Variants in NIN observed in about 807,000 individuals in gnomAD.
NIN encodes the protein glycogen synthase kinase 3 beta-interacting protein.
Under a neutral mutation model 257.6 loss-of-function variants are expected in NIN, and 137 were observed. The observed-to-expected ratio is 0.53, with a 90% confidence interval of 0.46 to 0.61. The LOEUF (loss-of-function observed/expected upper bound fraction) is 0.61, where lower values mean the gene tolerates loss of function less well. Ranked by LOEUF, NIN falls within the 20% of genes least tolerant of loss-of-function variation. The pLI, the probability that NIN is intolerant of heterozygous loss-of-function variation, is 0.00. For synonymous variants in NIN, 918 were observed against 919.8 expected, an observed-to-expected ratio of 1.00 and a Z score of 0.04; for missense variants, 2,439 against 2,501.2, an observed-to-expected ratio of 0.98 and a Z score of 0.53.
intron 5 of NIN, among the ~76,000 whole-genome samples, chr14:50,788,120 A>G (rs1264416757): frequency 1.3e-5 from 2 of 152,234 alleles, no homozygotes; most frequent in African/African-American, 2.4e-5. Flanking sequence ...GGGCTTTAAC[A>G]TGTACGAACT....
chr14:50,827,398 A>G (rs557857100), intron 2 of NIN, among the ~76,000 whole-genome samples: 2 of 152,332 alleles, frequency 1.3e-5, no homozygotes, highest in Middle Eastern at 3.4e-3. Flanking sequence ...TGAAATCATG[A>G]TACAAAAATA....
intron 4 of NIN, among the ~76,000 whole-genome samples, chr14:50,793,595 T>C (rs112898931): frequency 2.0e-5 from 3 of 152,204 alleles, no homozygotes; most frequent in Non-Finnish European, 4.4e-5. Flanking sequence ...TAAAAAGGAA[T>C]GTGCATGAGG....
intron 3 of NIN, among the ~76,000 whole-genome samples, chr14:50,817,195 T>C (rs986964327): frequency 4.6e-5 from 7 of 152,190 alleles, no homozygotes; most frequent in Non-Finnish European, 8.8e-5. Flanking sequence ...AGTCTGACTT[T>C]TGTATGAGTT....
chr14:50,785,661 T>C (rs2043315360), intron 5 of NIN, among the ~76,000 whole-genome samples: 1 of 152,022 alleles, frequency 6.6e-6, no homozygotes, highest in Non-Finnish European at 1.5e-5. Context: ...TTAAGGAGAG[T>C]GCTCATGAAA....
At chr14:50,730,255 A>C (rs549562643) in intron 28 of NIN, among the ~76,000 whole-genome samples, 1 of 152,344 alleles carries the variant, frequency 6.6e-6, no homozygotes, top group South Asian at 2.1e-4. Context: ...CCTTAGATTA[A>C]ACAGCACAAG....
chr14:50,808,233 C>T (rs556641916), intron 3 of NIN, among the ~76,000 whole-genome samples: 2 of 152,298 alleles, frequency 1.3e-5, no homozygotes, highest in East Asian at 3.9e-4. Flanking sequence ...CACAGCCAAA[C>T]ATCCTGGGGG....
chr14:50,747,658 T>A (rs2041606469), intron 22 of NIN, among the ~76,000 whole-genome samples: 1 of 150,660 alleles, frequency 6.6e-6, no homozygotes, highest in Non-Finnish European at 1.5e-5. Flanking sequence ...TGCTTGAGCC[T>A]GGGAGCTGGA....
At chr14:50,727,686 T>C (rs1261468658) in intron 29 of NIN, 3 of 1,440,534 alleles carry the variant, frequency 2.1e-6, no homozygotes, top group Admixed American at 3.6e-5. Context: ...AGCAGCCCAG[T>C]TTTCACAGGT....
At chr14:50,769,295 C>G (rs1045296153) in intron 12 of NIN, among the ~76,000 whole-genome samples, 1 of 152,124 alleles carries the variant, frequency 6.6e-6, no homozygotes, top group African/African-American at 2.4e-5. Context: ...AGATCTAAAC[C>G]AGGCAGCCTG....
intron 4 of NIN, among the ~76,000 whole-genome samples, chr14:50,798,240 A>G (rs1225302346): frequency 6.6e-6 from 1 of 152,164 alleles, no homozygotes; most frequent in Admixed American, 6.5e-5. Context: ...ATGTTTAATT[A>G]GGTCTTTCAG....
chr14:50,830,809 C>G (rs902288381), intron 1 of NIN, 197 bp downstream of exon 1: 32 of 151,410 alleles, frequency 2.1e-4, no homozygotes, highest in African/African-American at 7.5e-4. Context: ...GCCTCGTCCT[C>G]CCGCCCGGCC....
intron 29 of NIN, 81 bp downstream of exon 29, chr14:50,729,438 TTCTC>T: frequency 7.5e-7 from 1 of 1,340,734 alleles, no homozygotes; most frequent in East Asian, 2.4e-5. Flanking sequence ...TTTAGGTTCT[TTCTC>T]TCCACCTTTG....
At chr14:50,731,560 G>A (rs1443675118) in intron 28 of NIN, among the ~76,000 whole-genome samples, 4 of 149,476 alleles carry the variant, frequency 2.7e-5, no homozygotes, top group East Asian at 2.0e-4. Context: ...ATTAGGTCGC[G>A]TATGGTGGCT....
At chr14:50,803,957 C>T (rs1332113226) in intron 4 of NIN, among the ~76,000 whole-genome samples, 3 of 148,618 alleles carry the variant, frequency 2.0e-5, no homozygotes, top group Non-Finnish European at 3.0e-5. Context: ...AGTGCAGAGG[C>T]GTGATCTTGG....
chr14:50,775,971 T>TA (rs1390060337), intron 7 of NIN, among the ~76,000 whole-genome samples: 1 of 152,162 alleles, frequency 6.6e-6, no homozygotes, highest in African/African-American at 2.4e-5. Flanking sequence ...TAAGCTAGGC[T>TA]ACTTGAAAGC....
At position 50,743,545 on chromosome 14, in the gene NIN, A is replaced by T; in HGVS notation, c.5188-16T>A. The T allele has an allele frequency of 6.5e-7, 1 of 1,547,276 alleles. No individual in the cohort carries two copies. The highest frequency in any genetic ancestry group is 8.9e-7 in the Non-Finnish European group (1 of 1,120,082). ...ATTTTGCCAACTGTTTCAGGAAGGG[A>T]AAAAGAGGTAAGAGGGCATTTTTGC... On this transcript the variant is annotated splice_polypyrimidine_tract_variant and intron_variant, in intron 23 of 30. Coordinates refer to ENST00000530997, the MANE Select transcript of NIN (RefSeq NM_020921.4).
In NIN at chr14:50,760,025, C is replaced by T. The variant is rs1374389406; in HGVS notation, c.2231G>A (p.Gly744Asp). 2 of 1,614,082 alleles carry T rather than the reference C, an allele frequency of 1.2e-6. No homozygotes were observed. The highest frequency in any genetic ancestry group is 1.7e-6 in the Non-Finnish European group (2 of 1,180,046). The stretch of plus-strand genomic sequence containing the variant: ...TTCTGTCCAGGCGCTACTCTGAAGG[C>T]CTTCCCTCTCCCGCTCAAAGCTTGC... The part of the protein sequence containing the change: ...AQASFERERE[G>D]LQSSAWTEEK... The change falls in exon 17 of 31, where the codon GGC becomes GAC. Residue 744 changes from glycine to aspartate, a missense_variant. Gly to Asp is a moderately conservative substitution (Grantham distance 94, BLOSUM62 -1). Around this residue, in one of 3 missense-constraint regions of NIN, gnomAD observed 2,043 missense variants for 2,050.2 expected, o/e 1.00. Transcript: ENST00000530997.
In NIN at chr14:50,721,275, A is replaced by G. The variant is rs1476895598; in HGVS notation, c.*2188T>C. ...TGAATAGAGATTCTAAATGTAGTCT[A>G]AACTTTCCAGAAAGTCATATTTACA... On this transcript the variant is annotated 3_prime_UTR_variant, in exon 31 of 31. Transcript: ENST00000530997. 1 of 204,512 alleles carries G rather than the reference A, an allele frequency of 4.9e-6. No individual in the cohort carries two copies. Among genetic ancestry groups the G allele is most frequent in the African/African-American group, 2.3e-5 (1 of 43,732 alleles). 12.7% of individuals were successfully genotyped at this position (204,512 alleles called of 1,614,324 possible).
chr14:50,797,857 A>G (rs1446594783), intron 4 of NIN, among the ~76,000 whole-genome samples: 1 of 150,930 alleles, frequency 6.6e-6, no homozygotes, highest in Non-Finnish European at 1.5e-5. Context: ...CTAGAGGCCT[A>G]TGGAGGGGTG....
Sources: gnomAD v4.1 joint callset for allele counts (sites outside exome capture counted in the v4.1 genomes callset) on GRCh38, gnomAD v4.1.1 for gene constraint, gnomAD v4.1.1 regional missense constraint, MANE v1.5 for transcripts, NCBI Gene and HGNC (gene_info 2026-07-23, HGNC 2026-07-21) for gene names.